ERC2: variants seen among roughly 807,000 people sequenced by gnomAD.
ERC2 encodes ERC protein 2.
ERC2 carries 42 observed loss-of-function variants against 114.8 expected under a neutral mutation model. That is an observed-to-expected ratio of 0.37 (90% confidence interval 0.29 to 0.47). ERC2 has a LOEUF of 0.47. ERC2 is among the 20% of genes least tolerant of loss of function. The probability of loss-of-function intolerance (pLI) is 0.99; values close to 1 mark genes in which losing one functional copy is unlikely to be tolerated. For synonymous variants in ERC2, 454 were observed against 425.5 expected, an observed-to-expected ratio of 1.07 and a Z score of -0.82; for missense variants, 939 against 1,150.7, an observed-to-expected ratio of 0.82 and a Z score of 2.66.
chr3:55,589,144 C>G (rs895326884), intron 17 of ERC2, among the ~76,000 whole-genome samples: 2 of 140,482 alleles, frequency 1.4e-5, no homozygotes, highest in African/African-American at 5.3e-5. Flanking sequence ...TTTGGGAGGC[C>G]AAGGCAGGAG....
At chr3:55,894,830 T>A (rs2063767655) in intron 13 of ERC2, among the ~76,000 whole-genome samples, 1 of 152,214 alleles carries the variant, frequency 6.6e-6, no homozygotes, top group African/African-American at 2.4e-5. Flanking sequence ...TGGGTTCACA[T>A]GGGCAATGCT....
At chr3:56,044,425 A>G (rs2075359333) in intron 7 of ERC2, among the ~76,000 whole-genome samples, 1 of 152,072 alleles carries the variant, frequency 6.6e-6, no homozygotes, top group Non-Finnish European at 1.5e-5. Context: ...TTAAGAGATT[A>G]TGTAACTTTA....
At chr3:56,274,720 AG>A (rs1471929576) in intron 3 of ERC2, among the ~76,000 whole-genome samples, 1 of 152,194 alleles carries the variant, frequency 6.6e-6, no homozygotes, top group East Asian at 1.9e-4. Flanking sequence ...TGTCTATGTC[AG>A]GTTAGATTAC....
At chr3:55,774,724 T>C (rs750455134) in intron 14 of ERC2, among the ~76,000 whole-genome samples, 1 of 152,230 alleles carries the variant, frequency 6.6e-6, no homozygotes, top group African/African-American at 2.4e-5. Context: ...AGGCTTTCCT[T>C]AGCCTTGGCC....
chr3:56,067,964 G>A (rs1050039723), intron 7 of ERC2, among the ~76,000 whole-genome samples: 2 of 152,088 alleles, frequency 1.3e-5, no homozygotes, highest in African/African-American at 2.4e-5. Context: ...ATGGATTTTC[G>A]CATCGATTTT....
intron 12 of ERC2, among the ~76,000 whole-genome samples, chr3:55,958,735 T>G (rs2068148278): frequency 6.6e-6 from 1 of 152,108 alleles, no homozygotes; most frequent in Non-Finnish European, 1.5e-5. Flanking sequence ...CCTGGCCAGG[T>G]TGCAGCAGCG....
chr3:56,215,508 C>A (rs1486982191), intron 3 of ERC2, among the ~76,000 whole-genome samples: 1 of 152,108 alleles, frequency 6.6e-6, no homozygotes, highest in South Asian at 2.1e-4. Flanking sequence ...CCTTAGAGAC[C>A]TACAAAGAGA....
intron 15 of ERC2, among the ~76,000 whole-genome samples, chr3:55,711,358 C>T (rs2063768308): frequency 6.6e-6 from 1 of 152,170 alleles, no homozygotes; most frequent in Admixed American, 6.5e-5. Flanking sequence ...CCTCCCTCTG[C>T]TCCAATATTT....
chr3:56,287,558 G>C (rs759340545), intron 3 of ERC2, among the ~76,000 whole-genome samples: 2 of 152,146 alleles, frequency 1.3e-5, no homozygotes, highest in Non-Finnish European at 2.9e-5. Flanking sequence ...AATTCAACAG[G>C]CTCTGATAAG....
At chr3:56,327,385 C>T (rs924546401) in intron 2 of ERC2, among the ~76,000 whole-genome samples, 1 of 152,176 alleles carries the variant, frequency 6.6e-6, no homozygotes, top group Non-Finnish European at 1.5e-5. Flanking sequence ...GGGGAAACTG[C>T]TCCCATGATT....
rs183630921 is a variant in ERC2, at chr3:55,871,657, C to T, written c.2564+16732G>A. Among the ~76,000 whole-genome samples the T allele has an allele frequency of 8.3e-4, 127 of 152,262 alleles. 1 individual carries two copies. The highest frequency in any genetic ancestry group is 2.6e-3 in the African/African-American group (107 of 41,560). On this transcript the variant is annotated intron_variant, in intron 14 of 17. Transcript: ENST00000288221. ...TCATAAAGAGATAACAAAACTCTAACGAAGATGTAATTATGTCAACCCTGG... is the reference window on the plus strand; with the variant it reads ...TCATAAAGAGATAACAAAACTCTAATGAAGATGTAATTATGTCAACCCTGG...
rs1415920227 is a variant in ERC2 at position 55,784,447 on chromosome 3, T to C, written c.2565-49529A>G. On this transcript the variant is annotated intron_variant, in intron 14 of 17. Coordinates refer to ENST00000288221, the MANE Select transcript of ERC2 (RefSeq NM_015576.3). ...ATTTAGGGGACTGTGTAAAAAAGGC[T>C]GCCTAGTGAGGTCATAGGACCCAAA... Among the ~76,000 whole-genome samples the C allele has an allele frequency of 2.6e-5, 4 of 152,328 alleles. No homozygotes were observed. In the South Asian group the frequency reaches 8.3e-4, roughly 32 times the overall value.
chr3:55,749,257 A>G (rs556858370), intron 14 of ERC2, among the ~76,000 whole-genome samples: 1 of 152,318 alleles, frequency 6.6e-6, no homozygotes, highest in South Asian at 2.1e-4. Context: ...ACTCCCTGCA[A>G]TACCGATCTG....
intron 12 of ERC2, among the ~76,000 whole-genome samples, chr3:55,963,913 G>A (rs548016607): frequency 3.9e-5 from 6 of 152,334 alleles, no homozygotes; most frequent in South Asian, 2.1e-4. Context: ...GGGGCACTTC[G>A]TGTATGCAAG....
chr3:56,280,156 G>T (rs145060946), intron 3 of ERC2, among the ~76,000 whole-genome samples: 9 of 152,242 alleles, frequency 5.9e-5, no homozygotes, highest in Middle Eastern at 3.4e-3. Flanking sequence ...TTCAGTGTTG[G>T]CTGGAAAATG....
At chr3:56,370,864 G>A (rs1393639029) in intron 2 of ERC2, among the ~76,000 whole-genome samples, 1 of 152,174 alleles carries the variant, frequency 6.6e-6, no homozygotes, top group Non-Finnish European at 1.5e-5. Flanking sequence ...AAAGTGTTGG[G>A]ATTGCAGGCA....
chr3:56,350,162 T>A (rs1440749977), intron 2 of ERC2, among the ~76,000 whole-genome samples: 1 of 152,220 alleles, frequency 6.6e-6, no homozygotes, highest in Non-Finnish European at 1.5e-5. Context: ...GTGGATATAA[T>A]TTCATATTCC....
Position 55,942,266 on chromosome 3 carries a change from C to CTTTTTTTTTTTTTTT in ERC2, c.2403+8144_2403+8158dup, listed in dbSNP as rs56851837. 3.3e-4 allele frequency among the ~76,000 whole-genome samples: 14 copies of CTTTTTTTTTTTTTTT among 42,110 alleles called. 4 individuals carry two copies. Among genetic ancestry groups the CTTTTTTTTTTTTTTT allele is most frequent in the African/African-American group, 1.2e-3 (14 of 11,864 alleles). The allele number at this position is 42,110 out of a possible 152,430, so 27.6% of individuals were successfully genotyped here. ...TATTAAATGAAGTCTAAGGTCCTTT[C>CTTTTTTTTTTTTTTT]TTTTTTTTTTTTTTTTTTTTTTTTT... On this transcript the variant is annotated intron_variant, in intron 13 of 17. Transcript: ENST00000288221.
chr3:56,465,219 T>C (rs1319646859), intron 1 of ERC2, among the ~76,000 whole-genome samples: 2 of 152,066 alleles, frequency 1.3e-5, no homozygotes, highest in Non-Finnish European at 2.9e-5. Context: ...GCCAACATGG[T>C]GAAACCCAGT....
Sources: gnomAD v4.1 joint callset for allele counts (sites outside exome capture counted in the v4.1 genomes callset) on GRCh38, gnomAD v4.1.1 for gene constraint, MANE v1.5 for transcripts, NCBI Gene and HGNC (gene_info 2026-07-23, HGNC 2026-07-21) for gene names.